Variants in DLG2 observed in about 807,000 individuals in gnomAD.
DLG2 encodes disks large homolog 2.
DLG2 carries 45 observed loss-of-function variants against 132.5 expected under a neutral mutation model. The observed-to-expected ratio is 0.34, with a 90% CI of 0.27 to 0.44. The LOEUF is 0.44. Ranked by LOEUF, DLG2 falls within the 20% of genes least tolerant of loss-of-function variation. The probability of loss-of-function intolerance (pLI) is 1.00; values close to 1 mark genes in which losing one functional copy is unlikely to be tolerated. For synonymous variants in DLG2, 424 were observed against 419.6 expected (o/e 1.01, Z -0.13); for missense variants, 1,045 against 1,196.9 (o/e 0.87, Z 1.87).
chr11:83,520,265 T>G (rs957826396), intron 21 of DLG2, among the ~76,000 whole-genome samples: 15 of 152,244 alleles, frequency 9.9e-5, no homozygotes, highest in African/African-American at 3.6e-4. Context: ...GTTCTCACTT[T>G]GTAGTTGTGT....
intron 11 of DLG2, among the ~76,000 whole-genome samples, chr11:83,985,184 A>C (rs939047740): frequency 6.6e-6 from 1 of 152,014 alleles, no homozygotes; most frequent in African/African-American, 2.4e-5. Context: ...CAGGCTCTCT[A>C]CCTTATAAGA....
At chr11:85,357,070 T>C (rs1174425438) in intron 3 of DLG2, among the ~76,000 whole-genome samples, 1 of 152,022 alleles carries the variant, frequency 6.6e-6, no homozygotes, top group Non-Finnish European at 1.5e-5. Context: ...TGGCACCAAG[T>C]AGGTGCTCAA....
At chr11:85,324,881 G>A (rs1297128609) in intron 3 of DLG2, among the ~76,000 whole-genome samples, 1 of 149,728 alleles carries the variant, frequency 6.7e-6, no homozygotes, top group Admixed American at 6.7e-5. Context: ...TCACTAGGGA[G>A]TGCCAGACAG....
At chr11:84,034,843 C>T (rs2095818030) in intron 11 of DLG2, among the ~76,000 whole-genome samples, 3 of 152,158 alleles carry the variant, frequency 2.0e-5, no homozygotes, top group Admixed American at 2.0e-4. Flanking sequence ...GAGAAGCCAC[C>T]TGGTATCTTT....
In DLG2 at chr11:84,080,616, T is replaced by A. The variant is rs762565692; in HGVS notation, c.749+18307A>T. ...ACTAATGACTATCAAATAGATTGTG[T>A]TTTAATAATTTTATTCAACATGCAG... On this transcript the variant is annotated intron_variant, in intron 10 of 27. Coordinates refer to ENST00000376104, the MANE Select transcript of DLG2 (RefSeq NM_001142699.3). Among the ~76,000 whole-genome samples the A allele has an allele frequency of 1.8e-4, 27 of 152,304 alleles. 1 individual carries two copies. Among genetic ancestry groups the A allele is most frequent in the Admixed American group, 7.8e-4 (12 of 15,302 alleles).
At chr11:85,271,921 A>T (rs2077558111) in intron 4 of DLG2, among the ~76,000 whole-genome samples, 1 of 152,212 alleles carries the variant, frequency 6.6e-6, no homozygotes, top group Admixed American at 6.5e-5. Flanking sequence ...TAATGCTGAA[A>T]TGAGGTAAGA....
intron 4 of DLG2, among the ~76,000 whole-genome samples, chr11:85,208,749 A>G (rs942878638): frequency 2.0e-5 from 3 of 152,168 alleles, no homozygotes; most frequent in Non-Finnish European, 4.4e-5. Flanking sequence ...AAATAAGATC[A>G]GCTACCAGAG....
intron 19 of DLG2, among the ~76,000 whole-genome samples, chr11:83,610,201 G>A (rs1237191418): frequency 6.6e-6 from 1 of 152,184 alleles, no homozygotes; most frequent in South Asian, 2.1e-4. Flanking sequence ...GTGAGAGTCA[G>A]TGGATGTCGG....
intron 6 of DLG2, among the ~76,000 whole-genome samples, chr11:84,656,086 T>C (rs1053170401): frequency 3.3e-5 from 5 of 152,140 alleles, no homozygotes; most frequent in African/African-American, 7.2e-5. Context: ...ACAGACACCA[T>C]TAACAACAAA....
chr11:85,524,796 T>G (rs77625182), intron 3 of DLG2, among the ~76,000 whole-genome samples: 3,171 of 152,208 alleles, frequency 0.021, 62 homozygotes, highest in Admixed American at 0.054. Context: ...ACCCCACTGC[T>G]ACTCTAATTT....
At chr11:85,551,426 A>T (rs2076658438) in intron 3 of DLG2, among the ~76,000 whole-genome samples, 2 of 152,152 alleles carry the variant, frequency 1.3e-5, no homozygotes, top group African/African-American at 4.8e-5. Context: ...TCAGTTTTTA[A>T]TGTAAAAATA....
chr11:83,779,320 G>C (rs1243320921), intron 18 of DLG2, among the ~76,000 whole-genome samples: 1 of 152,078 alleles, frequency 6.6e-6, no homozygotes, highest in African/African-American at 2.4e-5. Context: ...ACTATTTCCA[G>C]ATTTGTGGCT....
At chr11:85,276,679 A>G (rs1234473668) in intron 4 of DLG2, among the ~76,000 whole-genome samples, 1 of 152,188 alleles carries the variant, frequency 6.6e-6, no homozygotes, top group African/African-American at 2.4e-5. Context: ...CACTGGGTCA[A>G]CCAGGAAATT....
chr11:85,379,917 AT>A (rs2085736751), intron 3 of DLG2, among the ~76,000 whole-genome samples: 1 of 152,214 alleles, frequency 6.6e-6, no homozygotes, highest in African/African-American at 2.4e-5. Context: ...ATGTCACAAA[AT>A]GTCACGTTTT....
chr11:83,602,319 G>C (rs1386019890), intron 19 of DLG2, among the ~76,000 whole-genome samples: 1 of 152,156 alleles, frequency 6.6e-6, no homozygotes, highest in Non-Finnish European at 1.5e-5. Context: ...ATGCATGTGC[G>C]TTCATACAGA....
At chr11:84,229,211 C>T (rs1027842687) in intron 8 of DLG2, among the ~76,000 whole-genome samples, 4 of 152,070 alleles carry the variant, frequency 2.6e-5, no homozygotes, top group African/African-American at 9.7e-5. Flanking sequence ...GAAAATGATG[C>T]TGGCAGGTAT....
At chr11:84,049,592 C>T (rs61900380) in intron 11 of DLG2, among the ~76,000 whole-genome samples, 2,209 of 151,904 alleles carry the variant, frequency 0.015, 23 homozygotes, top group Non-Finnish European at 0.021. Flanking sequence ...GGGTCACAGA[C>T]TGGAGCTTGT....
chr11:85,360,407 T>C, intron 3 of DLG2, among the ~76,000 whole-genome samples: 1 of 152,184 alleles, frequency 6.6e-6, no homozygotes, highest in East Asian at 1.9e-4. Flanking sequence ...ATAAGACATG[T>C]AAAAAGCCTA....
At chr11:84,824,121 A>C (rs751820968) in intron 6 of DLG2, among the ~76,000 whole-genome samples, 8 of 151,902 alleles carry the variant, frequency 5.3e-5, no homozygotes, top group Non-Finnish European at 1.2e-4. Flanking sequence ...ACCAATAGCA[A>C]ATCTAAAATC....
Sources: allele counts gnomAD v4.1 joint callset (sites outside exome capture counted in the v4.1 genomes callset), GRCh38; gene constraint gnomAD v4.1.1; transcripts MANE v1.5; gene names NCBI Gene and HGNC (gene_info 2026-07-23, HGNC 2026-07-21).